Variants in DNAH5 observed in about 807,000 individuals in gnomAD.
DNAH5 encodes the protein axonemal beta dynein heavy chain 5.
In DNAH5, 372 loss-of-function variants were observed where a neutral mutation model predicts 518.2. The ratio of observed to expected loss-of-function variants is 0.72; its 90% CI spans 0.66 to 0.78. DNAH5 has a LOEUF of 0.78. Among genes scored for constraint, DNAH5 ranks in the 30% least tolerant of loss-of-function variants. The probability of loss-of-function intolerance (pLI) is 0.00; values close to 1 mark genes in which losing one functional copy is unlikely to be tolerated. For missense variants in DNAH5, 5,523 were observed against 5,687.0 expected, an observed-to-expected ratio of 0.97 and a Z score of 0.93; for synonymous variants, 2,039 against 2,025.9, an observed-to-expected ratio of 1.01 and a Z score of -0.17.
chr5:13,781,353 G>T (rs1755105618), intron 52 of DNAH5, among the ~76,000 whole-genome samples: 1 of 152,146 alleles, frequency 6.6e-6, no homozygotes, highest in Admixed American at 6.5e-5. Flanking sequence ...GTCTACCCTT[G>T]GCATACAGGG....
At chr5:13,734,593 G>C (rs1407152707) in intron 68 of DNAH5, among the ~76,000 whole-genome samples, 1 of 152,114 alleles carries the variant, frequency 6.6e-6, no homozygotes, top group African/African-American at 2.4e-5. Flanking sequence ...CACTCCACCA[G>C]AGGCCCTGAC....
Position 13,931,184 on chromosome 5 carries a change from A to T in DNAH5, c.118T>A (p.Leu40Ile). ...AAACAGGAAGCCACAATTGCAAATA[A>T]GTAGTTATGCCTCGCATCCAAAAGA... ...RALLDARHNY[L>I]FAIVASCLDL... Residue 40 changes from leucine (L) to isoleucine (I), a missense_variant, in exon 2 of 79, where the codon TTA becomes ATA. This residue lies in a region of DNAH5 where 5,121 missense variants were observed against 5,223.3 expected (regional missense o/e 0.98). Transcript: ENST00000265104. 6.2e-7 allele frequency: 1 copy of T among 1,614,154 alleles called. No homozygotes were observed. Among genetic ancestry groups the T allele is most frequent in the South Asian group, 1.1e-5 (1 of 91,090 alleles).
At chr5:13,985,430 AATATATATATATATATATATATAT>A (rs145568740) in intron 1 of DNAH5, among the ~76,000 whole-genome samples, 3 of 127,332 alleles carry the variant, frequency 2.4e-5, no homozygotes, top group Non-Finnish European at 3.4e-5. Context: ...AGTATAATAA[AATATATATATATATATATATATAT>A]ATATATATAT....
intron 68 of DNAH5, among the ~76,000 whole-genome samples, chr5:13,730,331 T>C (rs1056542024): frequency 1.3e-5 from 2 of 152,170 alleles, no homozygotes; most frequent in Admixed American, 1.3e-4. Context: ...TAAGAAAGAG[T>C]TAAGAATAAA....
intron 1 of DNAH5, among the ~76,000 whole-genome samples, chr5:14,006,760 G>A (rs1408991530): frequency 6.6e-6 from 1 of 152,194 alleles, no homozygotes; most frequent in Non-Finnish European, 1.5e-5. Flanking sequence ...CAGTTACAAT[G>A]CTGATGTCCT....
At chr5:13,762,420 G>GT (rs1298966698) in intron 60 of DNAH5, among the ~76,000 whole-genome samples, 6 of 152,064 alleles carry the variant, frequency 3.9e-5, no homozygotes, top group Admixed American at 1.3e-4. Flanking sequence ...TTGTTTGTTT[G>GT]TTTTTGTTTT....
Position 13,737,453 on chromosome 5 carries a change from C to T in DNAH5, c.11254G>A (p.Ala3752Thr). The change falls in exon 66 of 79, where the codon GCA becomes ACA. Residue 3752 changes from alanine (A) to threonine (T), a missense_variant. By Grantham distance (58) the Ala-to-Thr change is moderately conservative. Transcript: ENST00000265104. Reference sequence around the variant, plus strand: ...AGTTCCTTCATCCTTCTTTTGTTTGCAGTTACATCTTCCATCAGATGAGTT... The same window carrying T: ...AGTTCCTTCATCCTTCTTTTGTTTGTAGTTACATCTTCCATCAGATGAGTT... ...ERTHLMEDVT[A>T]NKRRMKELED... The T allele has an allele frequency of 1.2e-6, 2 of 1,614,068 alleles. No homozygotes were observed. The highest frequency in any genetic ancestry group is 1.7e-6 in the Non-Finnish European group (2 of 1,179,952).
At chr5:13,762,409 T>C (rs73749952) in intron 60 of DNAH5, among the ~76,000 whole-genome samples, 42,942 of 150,576 alleles carry the variant, frequency 0.29, 6,457 homozygotes, top group South Asian at 0.42. Flanking sequence ...TGCAGCGTTT[T>C]TTGTTTGTTT....
Position 13,835,278 on chromosome 5 carries a change from C to CAAAA in DNAH5, c.5882+4074_5882+4077dup, listed in dbSNP as rs57989593. On this transcript the variant is annotated intron_variant, in intron 35 of 78. Coordinates refer to ENST00000265104, the MANE Select transcript of DNAH5 (RefSeq NM_001369.3). ...TGGGCGACAGAGTGAGACTTCTTCT[C>CAAAA]AAAAAAAAAAAATAGTAGTAATGAT... 4.2e-3 allele frequency among the ~76,000 whole-genome samples: 607 copies of CAAAA among 142,956 alleles called. 4 individuals carry two copies. Among genetic ancestry groups the CAAAA allele is most frequent in the African/African-American group, 0.011 (415 of 38,852 alleles). 93.8% of individuals were successfully genotyped at this position (142,956 alleles called of 152,430 possible).
In DNAH5 at chr5:13,841,023, C is replaced by T. The variant is rs753567422; in HGVS notation, c.5592G>A (p.Leu1864=). The change falls in exon 34 of 79, where the codon CTG becomes CTA. Residue 1864 remains leucine, a synonymous_variant. Transcript: ENST00000265104. ...KIMQKTNQAF[L]ELLNTLIDVT... ...CGTCTATCAATGTATTGAGTAGCTC[C>T]AGGAAAGCCTGATTAGTTTTCTGCA... 1.2e-6 allele frequency: 2 copies of T among 1,614,162 alleles called. No individual in the cohort carries two copies. Among genetic ancestry groups the T allele is most frequent in the Non-Finnish European group, 1.7e-6 (2 of 1,180,026 alleles).
rs1774620088 is a variant in DNAH5, at chr5:13,901,482, T to C, written c.1822A>G (p.Thr608Ala). 6.2e-7 allele frequency: 1 copy of C among 1,613,804 alleles called. No individual in the cohort carries two copies. The highest frequency in any genetic ancestry group is 1.1e-5 in the South Asian group (1 of 91,084). Residue 608 changes from threonine to alanine, a missense_variant, in exon 14 of 79, where the codon ACA (threonine) becomes GCA (alanine). Coordinates refer to ENST00000265104, the MANE Select transcript of DNAH5 (RefSeq NM_001369.3). The stretch of plus-strand genomic sequence containing the variant: ...AGAGGAGGATCGTATTTCTGCTTTG[T>C]ATACAGCTTTGAAATCATATCAATG... ...ADIDMISKLY[T>A]KQKYDPPLAR...
At chr5:13,760,123 C>T (rs548311301) in intron 60 of DNAH5, among the ~76,000 whole-genome samples, 18 of 152,242 alleles carry the variant, frequency 1.2e-4, no homozygotes, top group African/African-American at 3.6e-4. Context: ...GTAAAGTCAC[C>T]GTGTCAAGCA....
intron 59 of DNAH5, among the ~76,000 whole-genome samples, chr5:13,764,309 C>T (rs980527938): frequency 1.3e-5 from 2 of 152,024 alleles, no homozygotes; most frequent in Non-Finnish European, 2.9e-5. Context: ...CACCATTAAT[C>T]GAGGGAACAA....
At chr5:13,896,887 A>G (rs965869025) in intron 15 of DNAH5, 24 of 152,372 alleles carry the variant, frequency 1.6e-4, no homozygotes, top group African/African-American at 5.8e-4. Flanking sequence ...AGTTGGTATT[A>G]AGGTCATATA....
chr5:13,699,897 CT>C lies in DNAH5; in HGVS notation c.13723+742del, dbSNP rs550421369. On this transcript the variant is annotated intron_variant, in intron 78 of 78. Transcript: ENST00000265104. The stretch of plus-strand genomic sequence containing the variant: ...CTCGTGTGCTGAAATGTGGTTATTG[CT>C]GTAGAGATGTTAGCTGAGTGAAAGG... Among the ~76,000 whole-genome samples the C allele has an allele frequency of 5.9e-5, 9 of 152,230 alleles. No homozygotes were observed. In the South Asian group the frequency reaches 1.9e-3, roughly 32 times the overall value.
intron 40 of DNAH5, among the ~76,000 whole-genome samples, chr5:13,822,705 G>C (rs929847229): frequency 6.6e-6 from 1 of 152,244 alleles, no homozygotes. Flanking sequence ...TTCATTCCTA[G>C]GAAGACTATA....
At chr5:13,820,520 C>A in intron 40 of DNAH5, 21 bp from the exon 41 acceptor site, 1 of 1,613,182 alleles carries the variant, frequency 6.2e-7, no homozygotes, top group Non-Finnish European at 8.5e-7. Context: ...AAGAGAATCC[C>A]CACATTGAAA....
At chr5:13,856,319 G>A (rs562640461) in intron 30 of DNAH5, among the ~76,000 whole-genome samples, 12 of 152,054 alleles carry the variant, frequency 7.9e-5, no homozygotes, top group East Asian at 1.9e-4. Flanking sequence ...AGGGGATATC[G>A]CCACTGATCC....
Position 13,917,225 on chromosome 5 carries a change from T to C in DNAH5, c.1007A>G (p.Asp336Gly), listed in dbSNP as rs771215741. Residue 336 changes from aspartate (D) to glycine (G), a missense_variant, in exon 8 of 79, where the codon GAT becomes GGT. Physicochemically the swap from Asp to Gly is moderately conservative, Grantham distance 94 (BLOSUM62 -1). This residue lies in a region of DNAH5 where 5,121 missense variants were observed against 5,223.3 expected (regional missense o/e 0.98). Coordinates refer to ENST00000265104, the MANE Select transcript of DNAH5 (RefSeq NM_001369.3). ...ATTGTCCTTTGCTTCATTAGTTGCA[T>C]CAGTGATTCGAATATCCATCTCCCG... The part of the protein sequence containing the change: ...TWREMDIRIT[D>G]ATNEAKDNVK... 1.1e-5 allele frequency: 17 copies of C among 1,614,026 alleles called. No homozygotes were observed. The highest frequency in any genetic ancestry group is 1.7e-5 in the Admixed American group (1 of 60,020).
Sources: gnomAD v4.1 joint callset for allele counts (sites outside exome capture counted in the v4.1 genomes callset) on GRCh38, gnomAD v4.1.1 for gene constraint, gnomAD v4.1.1 regional missense constraint, MANE v1.5 for transcripts, NCBI Gene and HGNC (gene_info 2026-07-23, HGNC 2026-07-21) for gene names.